The following ASTN2 variants were observed in gnomAD, a reference collection of about 807,000 sequenced individuals.
ASTN2 encodes the protein astrotactin 2, also known as astrotactin-2.
A neutral mutation model predicts 139.8 loss-of-function variants in ASTN2; 54 were observed. The ratio of observed to expected loss-of-function variants is 0.39; its 90% CI spans 0.31 to 0.48. The LOEUF (loss-of-function observed/expected upper bound fraction) is 0.48, where lower values mean the gene tolerates loss of function less well. Ranked by LOEUF, ASTN2 falls within the 20% of genes least tolerant of loss-of-function variation. ASTN2 has a pLI of 0.95. For missense variants in ASTN2, 1,565 were observed against 1,725.1 expected (o/e 0.91, Z 1.64); for synonymous variants, 756 against 719.5 (o/e 1.05, Z -0.81).
intron 19 of ASTN2, among the ~76,000 whole-genome samples, chr9:116,512,193 T>C (rs1434516050): frequency 6.6e-6 from 1 of 152,248 alleles, no homozygotes; most frequent in Non-Finnish European, 1.5e-5. Context: ...GAGATTCTGG[T>C]ATGTTATGTC....
intron 19 of ASTN2, among the ~76,000 whole-genome samples, chr9:116,573,275 A>G (rs73655413): frequency 0.16 from 24,558 of 152,178 alleles, 2,169 homozygotes; most frequent in African/African-American, 0.22. Context: ...GTGAACCAAA[A>G]GACCACTTGG....
Position 116,985,623 on chromosome 9 carries a change from G to A in ASTN2, c.1592-8838C>T, listed in dbSNP as rs1186537051. On this transcript the variant is annotated intron_variant, in intron 7 of 22. Coordinates refer to ENST00000313400, the MANE Select transcript of ASTN2 (RefSeq NM_001365068.1). ...TTAGTGTCTAGGAGAAAAGCATGTG[G>A]CAAAGAGCTTCCCGCAAAATCATGG... 2.0e-5 allele frequency among the ~76,000 whole-genome samples: 3 copies of A among 152,222 alleles called. No individual in the cohort carries two copies. The South Asian group carries it at 6.2e-4, about 32-fold the overall frequency.
At chr9:116,654,021 G>A (rs1048613003) in intron 16 of ASTN2, among the ~76,000 whole-genome samples, 7 of 152,212 alleles carry the variant, frequency 4.6e-5, no homozygotes, top group African/African-American at 1.7e-4. Flanking sequence ...AGATGATGAC[G>A]ACTTTTTGTA....
intron 17 of ASTN2, among the ~76,000 whole-genome samples, chr9:116,646,264 T>C (rs1310940896): frequency 6.6e-6 from 1 of 152,234 alleles, no homozygotes; most frequent in Non-Finnish European, 1.5e-5. Context: ...TGTTCTGTTT[T>C]GTTCTTTGTT....
At chr9:116,627,861 A>G (rs1027769723) in intron 17 of ASTN2, among the ~76,000 whole-genome samples, 7 of 152,220 alleles carry the variant, frequency 4.6e-5, no homozygotes, top group African/African-American at 1.7e-4. Context: ...TACTCCTCAC[A>G]ATACCCTAGG....
intron 10 of ASTN2, among the ~76,000 whole-genome samples, chr9:116,919,758 A>G (rs1834548867): frequency 6.7e-6 from 1 of 149,268 alleles, no homozygotes; most frequent in African/African-American, 2.5e-5. Flanking sequence ...AGCCTGGGCT[A>G]CATGGCAAAA....
intron 2 of ASTN2, among the ~76,000 whole-genome samples, chr9:117,251,428 T>C (rs1292886864): frequency 6.6e-6 from 1 of 152,100 alleles, no homozygotes; most frequent in Non-Finnish European, 1.5e-5. Flanking sequence ...TATAAATTTA[T>C]CTATTTGTGC....
chr9:117,353,274 A>G lies in ASTN2; in HGVS notation c.442+61223T>C, dbSNP rs530543860. Among the ~76,000 whole-genome samples, 336 of 152,260 alleles carry G rather than the reference A, an allele frequency of 2.2e-3. 1 individual carries two copies. Among genetic ancestry groups the G allele is most frequent in the Non-Finnish European group, 3.8e-3 (261 of 68,012 alleles). ...TGGCTCCAAAATCCAGAGTCTTTCT[A>G]GCAAACCATAAAAAGATTCTCTAAG... is the stretch of plus-strand genomic sequence containing the variant. On this transcript the variant is annotated intron_variant, in intron 1 of 22. Coordinates refer to ENST00000313400, the MANE Select transcript of ASTN2 (RefSeq NM_001365068.1).
intron 2 of ASTN2, among the ~76,000 whole-genome samples, chr9:117,286,150 T>A (rs763789015): frequency 1.4e-4 from 21 of 152,108 alleles, no homozygotes; most frequent in Non-Finnish European, 2.4e-4. Context: ...CCACAAGTGA[T>A]AACTATTTTT....
At chr9:117,324,191 T>C (rs1323819765) in intron 1 of ASTN2, among the ~76,000 whole-genome samples, 1 of 151,876 alleles carries the variant, frequency 6.6e-6, no homozygotes, top group Non-Finnish European at 1.5e-5. Flanking sequence ...ATAGGATGAG[T>C]AGAATTTTCC....
chr9:116,930,956 C>T (rs1197886019), intron 10 of ASTN2, among the ~76,000 whole-genome samples: 1 of 152,050 alleles, frequency 6.6e-6, no homozygotes, highest in Non-Finnish European at 1.5e-5. Context: ...CAGTCCTTCC[C>T]ATCAACTTCT....
chr9:116,447,448 A>G (rs1325448893), intron 20 of ASTN2, among the ~76,000 whole-genome samples: 1 of 152,188 alleles, frequency 6.6e-6, no homozygotes, highest in Non-Finnish European at 1.5e-5. Context: ...CAGCACACAC[A>G]GGTCAGAATG....
intron 1 of ASTN2, among the ~76,000 whole-genome samples, chr9:117,302,598 AACCCCAACCCCCAC>A (rs1834903724): frequency 6.6e-6 from 1 of 152,156 alleles, no homozygotes; most frequent in South Asian, 2.1e-4. Context: ...CTGACTTGTC[AACCCCAACCCCCAC>A]ACCCCAACCC....
At chr9:116,534,371 C>T (rs1418476824) in intron 19 of ASTN2, among the ~76,000 whole-genome samples, 3 of 152,134 alleles carry the variant, frequency 2.0e-5, no homozygotes, top group Non-Finnish European at 4.4e-5. Context: ...TTCAGTTCTG[C>T]TCTGATCTTA....
intron 12 of ASTN2, among the ~76,000 whole-genome samples, chr9:116,806,971 C>A (rs1588309243): frequency 6.6e-6 from 1 of 151,946 alleles, no homozygotes; most frequent in African/African-American, 2.4e-5. Context: ...AAATAAGGAG[C>A]CAAGAAATAA....
rs183669664 is a variant in ASTN2 at position 117,319,199 on chromosome 9, T to C, written c.443-27686A>G. On this transcript the variant is annotated intron_variant, in intron 1 of 22. Coordinates refer to ENST00000313400, the MANE Select transcript of ASTN2 (RefSeq NM_001365068.1). ...TAATGGGTTGTTTTATGCAGATCTA[T>C]AGTCTCACCTTCCATGTGACAATCT... Among the ~76,000 whole-genome samples, 27 of 152,342 alleles carry C rather than the reference T, an allele frequency of 1.8e-4. No homozygotes were observed. In the East Asian group the frequency reaches 4.2e-3, roughly 24 times the overall value.
At chr9:116,744,595 G>A (rs924648783) in intron 13 of ASTN2, among the ~76,000 whole-genome samples, 1 of 152,168 alleles carries the variant, frequency 6.6e-6, no homozygotes, top group Non-Finnish European at 1.5e-5. Context: ...AGAACCTGCT[G>A]ATCTCCATTG....
chr9:116,617,346 A>C (rs1273453436), intron 19 of ASTN2, among the ~76,000 whole-genome samples: 2 of 152,230 alleles, frequency 1.3e-5, no homozygotes, highest in African/African-American at 4.8e-5. Flanking sequence ...TTTATTATTC[A>C]TTCAGTCAAC....
At chr9:117,118,969 G>T (rs981240337) in intron 4 of ASTN2, among the ~76,000 whole-genome samples, 2 of 152,104 alleles carry the variant, frequency 1.3e-5, no homozygotes, top group Non-Finnish European at 2.9e-5. Context: ...TTTCTGAGAT[G>T]ATGTCATATC....
Sources: allele counts gnomAD v4.1 joint callset (sites outside exome capture counted in the v4.1 genomes callset), GRCh38; gene constraint gnomAD v4.1.1; transcripts MANE v1.5; gene names NCBI Gene and HGNC (gene_info 2026-07-23, HGNC 2026-07-21).